Variants in SASH1 observed in about 807,000 individuals in gnomAD.
SASH1 encodes SAM and SH3 domain containing 1, also known as SAM and SH3 domain-containing protein 1.
SASH1 carries 44 observed loss-of-function variants against 125.2 expected under a neutral mutation model. The observed-to-expected ratio is 0.35, with a 90% CI of 0.28 to 0.45. The LOEUF is 0.45. Among genes scored for constraint, SASH1 ranks in the 20% least tolerant of loss-of-function variants. The pLI, the probability that SASH1 is intolerant of heterozygous loss-of-function variation, is 1.00. For synonymous variants in SASH1, 639 were observed against 649.1 expected (o/e 0.98, Z 0.24); for missense variants, 1,426 against 1,614.5 (o/e 0.88, Z 2.00).
At chr6:148,493,872 T>C (rs1779209431) in intron 8 of SASH1, among the ~76,000 whole-genome samples, 1 of 152,260 alleles carries the variant, frequency 6.6e-6, no homozygotes, top group Admixed American at 6.5e-5. Context: ...TAGCTCGATT[T>C]CTTATTAAAT....
chr6:148,424,839 G>A lies in SASH1; in HGVS notation c.286-15345G>A, dbSNP rs190102926. Among the ~76,000 whole-genome samples, 330 of 152,296 alleles carry A rather than the reference G, an allele frequency of 2.2e-3. 1 individual carries two copies. Among genetic ancestry groups the A allele is most frequent in the Non-Finnish European group, 3.7e-3 (251 of 68,022 alleles). On this transcript the variant is annotated intron_variant, in intron 2 of 19. Coordinates refer to ENST00000367467, the MANE Select transcript of SASH1 (RefSeq NM_015278.5). ...TCTTTGGACCAGTAGTTCTCAAAGT[G>A]TGGCTCCTCAGCCTGTAGCATCAGT...
chr6:148,500,454 A>T (rs74551033), intron 8 of SASH1, among the ~76,000 whole-genome samples: 3,710 of 152,184 alleles, frequency 0.024, 169 homozygotes, highest in African/African-American at 0.085. Flanking sequence ...CCTTTCATTC[A>T]TTTTTTGAAT....
intron 9 of SASH1, among the ~76,000 whole-genome samples, chr6:148,517,618 CA>C: frequency 1.3e-5 from 2 of 152,346 alleles, no homozygotes; most frequent in Middle Eastern, 6.8e-3. Context: ...CTGCCCTCAG[CA>C]CCGGCAGATG....
intron 8 of SASH1, among the ~76,000 whole-genome samples, chr6:148,511,324 TACAC>T (rs58822082): frequency 0.36 from 49,058 of 134,982 alleles, 8,735 homozygotes; most frequent in Middle Eastern, 0.44. Flanking sequence ...AATTTTCTAT[TACAC>T]ACACACACAC....
At chr6:148,241,097 A>C in the SASH1 span, among the ~76,000 whole-genome samples, 5 of 152,216 alleles carry the variant, frequency 3.3e-5, no homozygotes, top group Non-Finnish European at 7.3e-5. Context: ...TCAAGGGGAA[A>C]AAAAATATCC....
chr6:148,540,481 G>A lies in SASH1; in HGVS notation c.2134G>A (p.Val712Ile), dbSNP rs917777345. 113 of 1,613,962 alleles carry A rather than the reference G, an allele frequency of 7.0e-5. No homozygotes were observed. The highest frequency in any genetic ancestry group is 8.9e-5 in the East Asian group (4 of 44,880). ...GTCAGGATCCCAGGAGAAGCTGCTC[G>A]TTGACAGCCAGGGCCTGAGTGGATG... is the stretch of plus-strand genomic sequence containing the variant. ...DQSGSQEKLLVDSQGLSGCSP... is the reference protein window; with the variant it reads ...DQSGSQEKLLIDSQGLSGCSP... The change falls in exon 17 of 20, where the codon GTT becomes ATT. Residue 712 changes from valine (V) to isoleucine (I), a missense_variant. Coordinates refer to ENST00000367467, the MANE Select transcript of SASH1 (RefSeq NM_015278.5).
chr6:148,195,840 C>T, the SASH1 span, among the ~76,000 whole-genome samples: 1 of 152,212 alleles, frequency 6.6e-6, no homozygotes, highest in Non-Finnish European at 1.5e-5. Context: ...GGCTACTCAA[C>T]CTGTGTGAAC....
chr6:148,220,041 C>A, the SASH1 span, among the ~76,000 whole-genome samples: 19 of 152,312 alleles, frequency 1.2e-4, no homozygotes. Flanking sequence ...TCTAAGCCTG[C>A]GAAAGCACCT....
intron 1 of SASH1, among the ~76,000 whole-genome samples, chr6:148,377,042 C>T (rs1341749457): frequency 2.0e-5 from 3 of 147,290 alleles, no homozygotes; most frequent in African/African-American, 5.0e-5. Flanking sequence ...TAGTGGCGGG[C>T]GCCTGTAGTC....
chr6:148,452,823 C>T (rs1043249580), intron 4 of SASH1, among the ~76,000 whole-genome samples: 5 of 152,178 alleles, frequency 3.3e-5, no homozygotes, highest in Non-Finnish European at 5.9e-5. Flanking sequence ...GCCATGGTCC[C>T]CTAAAATATG....
intron 1 of SASH1, among the ~76,000 whole-genome samples, chr6:148,373,798 C>G (rs139508820): frequency 0.011 from 1,744 of 152,270 alleles, 22 homozygotes; most frequent in Non-Finnish European, 0.018. Flanking sequence ...TGGTGAAACC[C>G]CATCTCCACT....
chr6:148,440,697 C>A, intron 4 of SASH1: 1 of 377,306 alleles, frequency 2.7e-6, no homozygotes. Context: ...GGTGCATTAA[C>A]CAAGATGGAT....
chr6:148,365,106 A>C (rs1464213927), intron 1 of SASH1, among the ~76,000 whole-genome samples: 2 of 150,968 alleles, frequency 1.3e-5, no homozygotes, highest in Non-Finnish European at 3.0e-5. Context: ...CTGGGCACCA[A>C]AGTGAGACTC....
At chr6:148,502,960 T>C (rs565776048) in intron 8 of SASH1, among the ~76,000 whole-genome samples, 9 of 152,318 alleles carry the variant, frequency 5.9e-5, no homozygotes, top group African/African-American at 1.9e-4. Context: ...ACCTTAACAT[T>C]AATCATATTT....
chr6:148,381,792 C>A (rs1390782354), intron 1 of SASH1, among the ~76,000 whole-genome samples: 1 of 151,456 alleles, frequency 6.6e-6, no homozygotes, highest in Admixed American at 6.6e-5. Context: ...CCACGCCCAG[C>A]TAAGTTTTGT....
chr6:148,331,827 G>T (rs1781003649), intron 1 of SASH1, among the ~76,000 whole-genome samples: 1 of 151,976 alleles, frequency 6.6e-6, no homozygotes, highest in African/African-American at 2.4e-5. Flanking sequence ...CAGTAGCTAG[G>T]ACTACAGGGA....
chr6:148,252,157 C>A, the SASH1 span, among the ~76,000 whole-genome samples: 2 of 151,884 alleles, frequency 1.3e-5, no homozygotes, highest in Non-Finnish European at 2.9e-5. Context: ...TGTGGCCTCT[C>A]GAAAACCACA....
rs1364363610 is a variant in SASH1, at chr6:148,548,585, C to T, written c.*27C>T. 1.3e-6 allele frequency: 2 copies of T among 1,561,732 alleles called. No homozygotes were observed. Among genetic ancestry groups the T allele is most frequent in the East Asian group, 4.5e-5 (2 of 44,588 alleles). On this transcript the variant is annotated 3_prime_UTR_variant, in exon 20 of 20. Coordinates refer to ENST00000367467, the MANE Select transcript of SASH1 (RefSeq NM_015278.5). The stretch of plus-strand genomic sequence containing the variant: ...CAGGCCCGGAATGGGCCTCTCTGGA[C>T]AAGAGCCACCCTTTCACTGTGCATA...
At chr6:148,520,013 T>C in intron 10 of SASH1, 120 bp downstream of exon 10, 1 of 678,392 alleles carries the variant, frequency 1.5e-6, no homozygotes, top group East Asian at 2.7e-5. Context: ...CGGATACTAA[T>C]TATTCCTGTT....
Sources: gnomAD v4.1 joint callset for allele counts (sites outside exome capture counted in the v4.1 genomes callset) on GRCh38, gnomAD v4.1.1 for gene constraint, MANE v1.5 for transcripts, NCBI Gene and HGNC (gene_info 2026-07-23, HGNC 2026-07-21) for gene names.